SSPN: variants seen among roughly 807,000 people sequenced by gnomAD.
SSPN encodes K-ras oncogene-associated protein.
Under a neutral mutation model 19.1 loss-of-function variants are expected in SSPN, and 15 were observed. The ratio of observed to expected loss-of-function variants is 0.78; its 90% confidence interval spans 0.52 to 1.21. SSPN has a LOEUF of 1.21. SSPN is among the 50% of genes most tolerant of loss of function. The pLI, the probability that SSPN is intolerant of heterozygous loss-of-function variation, is 0.00. For missense variants in SSPN, 291 were observed against 314.0 expected, an observed-to-expected ratio of 0.93 and a Z score of 0.55; for synonymous variants, 147 against 140.3, an observed-to-expected ratio of 1.05 and a Z score of -0.34.
intron 1 of SSPN, among the ~76,000 whole-genome samples, chr12:26,139,268 G>A (rs1480381486): frequency 1.3e-5 from 2 of 152,092 alleles, no homozygotes; most frequent in Admixed American, 1.3e-4. Flanking sequence ...TAATTCCCAA[G>A]TGTAATTCTG....
rs186186407 is a variant in SSPN, at chr12:26,133,369, C to T, written c.-31+11217C>T. Among the ~76,000 whole-genome samples the T allele has an allele frequency of 5.3e-5, 8 of 152,264 alleles. No homozygotes were observed. In the East Asian group the frequency reaches 1.5e-3, roughly 29 times the overall value. ...TTCCACCTCTTAAATATCTGTAACT[C>T]CATCCCCCTTTCATCCTAACTGCCC... is the stretch of plus-strand genomic sequence containing the variant. On this transcript the variant is annotated intron_variant, in intron 1 of 2. Transcript: ENST00000538142.
chr12:26,207,542 C>A (rs149308902), intron 1 of SSPN, among the ~76,000 whole-genome samples: 1 of 152,224 alleles, frequency 6.6e-6, no homozygotes, highest in Non-Finnish European at 1.5e-5. Flanking sequence ...TGTTTTCATA[C>A]TTTGAAAATT....
chr12:26,137,656 A>ATTTT lies in SSPN; in HGVS notation c.-31+15527_-31+15530dup, dbSNP rs10597345. ...TGTATGTATATATATATATATATATATTTTTTTTTTTTTTTTTTTTTTTTT... is the reference window on the plus strand; with the variant it reads ...TGTATGTATATATATATATATATATATTTTTTTTTTTTTTTTTTTTTTTTTTTTT... On this transcript the variant is annotated intron_variant, in intron 1 of 2. Transcript: ENST00000538142. Among the ~76,000 whole-genome samples the ATTTT allele has an allele frequency of 7.8e-5, 6 of 76,436 alleles. 1 individual carries two copies. Among genetic ancestry groups the ATTTT allele is most frequent in the Non-Finnish European group, 9.0e-5 (4 of 44,686 alleles). 50.1% of individuals were successfully genotyped at this position (76,436 alleles called of 152,430 possible). A position where few individuals can be genotyped will look rare whatever the true frequency, so the allele number is the denominator to read the frequency against.
chr12:26,164,450 G>A (rs1239027862), intron 1 of SSPN, among the ~76,000 whole-genome samples: 4 of 152,216 alleles, frequency 2.6e-5, no homozygotes, highest in African/African-American at 9.6e-5. Context: ...CGAGGTGGAA[G>A]GATTGCTTGA....
In SSPN at chr12:26,221,092, C is replaced by G. The variant is rs180674584; in HGVS notation, c.280-3201C>G. Among the ~76,000 whole-genome samples, 3 of 152,216 alleles carry G rather than the reference C, an allele frequency of 2.0e-5. No homozygotes were observed. In the East Asian group the frequency reaches 5.8e-4, roughly 29 times the overall value. On this transcript the variant is annotated intron_variant, in intron 1 of 2. Transcript: ENST00000242729. ...AAAGTCCTTTGTGATCTACTTCCTG[C>G]CTATTGCTGCAAACACATCTTTTGC...
intron 1 of SSPN, chr12:26,124,234 T>C (rs1479290751): frequency 1.5e-5 from 17 of 1,171,550 alleles, no homozygotes; most frequent in Admixed American, 7.2e-5. Context: ...CATTCACTTA[T>C]TGGATATTAC....
intron 1 of SSPN, among the ~76,000 whole-genome samples, chr12:26,207,488 G>A (rs940969745): frequency 2.0e-5 from 3 of 151,984 alleles, no homozygotes; most frequent in African/African-American, 7.3e-5. Flanking sequence ...ATCTTCCCCA[G>A]AGATATGTAC....
intron 1 of SSPN, among the ~76,000 whole-genome samples, chr12:26,165,248 G>A (rs575572019): frequency 1.2e-4 from 18 of 152,268 alleles, no homozygotes; most frequent in African/African-American, 3.1e-4. Flanking sequence ...CTCAAATTCC[G>A]TCTATACAGA....
At chr12:26,136,731 G>C (rs765163310) in intron 1 of SSPN, among the ~76,000 whole-genome samples, 1 of 152,192 alleles carries the variant, frequency 6.6e-6, no homozygotes, top group Non-Finnish European at 1.5e-5. Flanking sequence ...GGCCAGACCT[G>C]TCAACGTGAT....
At chr12:26,152,886 A>G (rs937841416) in intron 1 of SSPN, among the ~76,000 whole-genome samples, 5 of 152,096 alleles carry the variant, frequency 3.3e-5, no homozygotes, top group Non-Finnish European at 5.9e-5. Context: ...TCATCTTGCC[A>G]TTGTCTGACT....
chr12:26,177,158 G>C (rs1490031265), intron 1 of SSPN, among the ~76,000 whole-genome samples: 1 of 152,194 alleles, frequency 6.6e-6, no homozygotes, highest in Non-Finnish European at 1.5e-5. Context: ...AGGATCCAAT[G>C]AGATGATTTA....
At chr12:26,123,656 T>A in intron 1 of SSPN, 5 of 1,613,814 alleles carry the variant, frequency 3.1e-6, no homozygotes, top group Non-Finnish European at 3.4e-6. Flanking sequence ...TATCTTCTGA[T>A]GCTGTTGCTC....
At chr12:26,162,203 A>G (rs1296916654) in intron 1 of SSPN, among the ~76,000 whole-genome samples, 2 of 152,212 alleles carry the variant, frequency 1.3e-5, no homozygotes, top group East Asian at 1.9e-4. Context: ...ATCATTTTAT[A>G]TGCAAATAAT....
intron 1 of SSPN, among the ~76,000 whole-genome samples, chr12:26,135,742 AAATATAG>A (rs1944421380): frequency 2.0e-5 from 3 of 152,210 alleles, no homozygotes; most frequent in Non-Finnish European, 4.4e-5. Context: ...TACGTTTGCC[AAATATAG>A]CCCCGGTGAC....
At chr12:26,216,136 ACT>A (rs1945046317) in intron 1 of SSPN, among the ~76,000 whole-genome samples, 1 of 152,062 alleles carries the variant, frequency 6.6e-6, no homozygotes. Flanking sequence ...ATAATAAATG[ACT>A]CTCTATAAGA....
chr12:26,195,546 A>G (rs1043896488), upstream of SSPN: 21 of 1,280,736 alleles, frequency 1.6e-5, 1 homozygote, highest in East Asian at 3.8e-4. Context: ...GTCGGCTCCA[A>G]ATGTTTTCCA....
intron 1 of SSPN, among the ~76,000 whole-genome samples, chr12:26,157,015 A>G (rs191021585): frequency 2.2e-3 from 327 of 151,974 alleles, no homozygotes; most frequent in African/African-American, 6.5e-3. Context: ...GGTATCATGT[A>G]TTGGGGGAAA....
At chr12:26,124,689 A>T in intron 1 of SSPN, 1 of 1,613,854 alleles carries the variant, frequency 6.2e-7, no homozygotes, top group Admixed American at 1.7e-5. Flanking sequence ...AAGCCTAGAC[A>T]GATATTCGCA....
chr12:26,142,499 A>G lies in SSPN; in HGVS notation c.-31+20347A>G, dbSNP rs924504364. Reference sequence around the variant, plus strand: ...GGGTTTGGTTTGGGTGACTGGACAGAGAGTAGTACCTTCAATAAGAATAAG... The same window carrying G: ...GGGTTTGGTTTGGGTGACTGGACAGGGAGTAGTACCTTCAATAAGAATAAG... On this transcript the variant is annotated intron_variant, in intron 1 of 2. Transcript: ENST00000538142. Among the ~76,000 whole-genome samples the G allele has an allele frequency of 2.0e-5, 3 of 152,172 alleles. No individual in the cohort carries two copies. In the East Asian group the frequency reaches 5.8e-4, roughly 29 times the overall value.
Sources: allele counts gnomAD v4.1 joint callset (sites outside exome capture counted in the v4.1 genomes callset), GRCh38; gene constraint gnomAD v4.1.1; transcripts MANE v1.5; gene names NCBI Gene and HGNC (gene_info 2026-07-23, HGNC 2026-07-21).